The following CCT5 variants were observed in gnomAD, a reference collection of about 807,000 sequenced individuals.
The protein encoded by CCT5 is T-complex protein 1 subunit epsilon.
CCT5 carries 6 observed loss-of-function variants against 55.0 expected under a neutral mutation model. That is an observed-to-expected ratio of 0.11 (90% CI 0.06 to 0.22). The LOEUF (loss-of-function observed/expected upper bound fraction) is 0.22, where lower values mean the gene tolerates loss of function less well. Among genes scored for constraint, CCT5 ranks in the 10% least tolerant of loss-of-function variants. CCT5 has a pLI of 1.00. For synonymous variants in CCT5, 231 were observed against 243.7 expected (o/e 0.95, Z 0.49); for missense variants, 560 against 694.6 (o/e 0.81, Z 2.18).
chr5:10,258,567 A>G, intron 6 of CCT5, 32 bp downstream of exon 6: 5 of 1,585,368 alleles, frequency 3.2e-6, no homozygotes, highest in South Asian at 1.1e-5. Flanking sequence ...AGTGGAATTT[A>G]AACTCCCAAA....
intron 6 of CCT5, among the ~76,000 whole-genome samples, chr5:10,259,743 C>G (rs1163283901): frequency 6.6e-6 from 1 of 152,222 alleles, no homozygotes; most frequent in Non-Finnish European, 1.5e-5. Context: ...AGGCCATCAT[C>G]TGGGCCGGTG....
In CCT5 at chr5:10,264,986, A is replaced by G. The variant is rs557772556; in HGVS notation, c.*203A>G. ...TACCATCTCAACTGCTTTTGTATTC[A>G]TTGTATTAAAAGAATCTGTTTAAAC... On this transcript the variant is annotated 3_prime_UTR_variant, in exon 11 of 11. Transcript: ENST00000280326. 2 of 586,062 alleles carry G rather than the reference A, an allele frequency of 3.4e-6. No individual in the cohort carries two copies. Among genetic ancestry groups the G allele is most frequent in the East Asian group, 3.1e-5 (1 of 32,566 alleles). The allele number at this position is 586,062 out of a possible 1,614,324, so 36.3% of individuals were successfully genotyped here.
Position 10,264,863 on chromosome 5 carries a change from T to G in CCT5, c.*80T>G. On this transcript the variant is annotated 3_prime_UTR_variant, in exon 11 of 11. Transcript: ENST00000280326. ...GTCTCGTGATGCATCTACAGTTATT[T>G]ATTGTTACATCCTTTTCCAGACACT... is the stretch of plus-strand genomic sequence containing the variant. The G allele has an allele frequency of 1.3e-6, 2 of 1,566,834 alleles. No homozygotes were observed. The highest frequency in any genetic ancestry group is 1.8e-6 in the Non-Finnish European group (2 of 1,140,804).
At chr5:10,262,345 G>C in intron 8 of CCT5, 136 bp from the exon 9 acceptor site, 2 of 964,476 alleles carry the variant, frequency 2.1e-6, no homozygotes, top group Non-Finnish European at 3.2e-6. Context: ...AAGCTAGAAA[G>C]ATAAATATTA....
intron 10 of CCT5, 24 bp downstream of exon 10, chr5:10,263,338 G>C (rs1244713634): frequency 7.3e-7 from 1 of 1,375,758 alleles, no homozygotes; most frequent in Admixed American, 2.1e-5. Flanking sequence ...ACGCCTCTGC[G>C]TGGAGGGGGG....
Position 10,262,761 on chromosome 5 carries a change from T to C in CCT5, c.1317+143T>C, listed in dbSNP as rs1389431949. 6.9e-6 allele frequency: 6 copies of C among 872,572 alleles called. No individual in the cohort carries two copies. In the South Asian group the frequency reaches 7.0e-5, roughly 10 times the overall value. 54.1% of individuals were successfully genotyped at this position (872,572 alleles called of 1,614,324 possible). A position where few individuals can be genotyped will look rare whatever the true frequency, so the allele number is the denominator to read the frequency against. On this transcript the variant is annotated intron_variant, in intron 9 of 10. Transcript: ENST00000280326. ...GACAGGTGTTTTAATCTAAGTTAATTCCCACGTTCCTGTATTCAGATTCTG... is the reference window on the plus strand; with the variant it reads ...GACAGGTGTTTTAATCTAAGTTAATCCCCACGTTCCTGTATTCAGATTCTG...
rs768166472 is a variant in CCT5 at position 10,262,462 on chromosome 5, G to A, written c.1180-19G>A. 1 of 1,613,072 alleles carries A rather than the reference G, an allele frequency of 6.2e-7. No individual in the cohort carries two copies. Among genetic ancestry groups the A allele is most frequent in the Non-Finnish European group, 8.5e-7 (1 of 1,179,904 alleles). ...CTAGATCTTGATCACATTAATTCAGGCAAAGCTGTTTTCCTTAGATCATTG... is the reference window on the plus strand; with the variant it reads ...CTAGATCTTGATCACATTAATTCAGACAAAGCTGTTTTCCTTAGATCATTG... On this transcript the variant is annotated intron_variant, in intron 8 of 10. Transcript: ENST00000280326.
chr5:10,257,356 A>G (rs1189319741), intron 4 of CCT5, among the ~76,000 whole-genome samples: 1 of 152,232 alleles, frequency 6.6e-6, no homozygotes, highest in East Asian at 1.9e-4. Context: ...AAAGGAGGAC[A>G]TCATCATTAC....
Position 10,261,657 on chromosome 5 carries a change from T to G in CCT5, c.1091T>G (p.Phe364Cys), listed in dbSNP as rs776587777. 6.2e-7 allele frequency: 1 copy of G among 1,614,126 alleles called. No homozygotes were observed. Among genetic ancestry groups the G allele is most frequent in the East Asian group, 2.2e-5 (1 of 44,882 alleles). ...GFAGLVQEIS[F>C]GTTKDKMLVI... Reference sequence around the variant, plus strand: ...GCTGGTCTTGTACAGGAGATCTCATTTGGGACAACTAAGGATAAAATGCTG... The same window carrying G: ...GCTGGTCTTGTACAGGAGATCTCATGTGGGACAACTAAGGATAAAATGCTG... Residue 364 changes from phenylalanine to cysteine, a missense_variant, in exon 8 of 11, where the codon TTT becomes TGT. This residue lies in a region of CCT5 where 256 missense variants were observed against 372.4 expected (regional missense o/e 0.69). Coordinates refer to ENST00000280326, the MANE Select transcript of CCT5 (RefSeq NM_012073.5).
At position 10,254,145 on chromosome 5, in the gene CCT5, T is replaced by A; in HGVS notation, c.106T>A (p.Ser36Thr). 1.9e-6 allele frequency: 3 copies of A among 1,602,458 alleles called. No individual in the cohort carries two copies. The highest frequency in any genetic ancestry group is 2.6e-6 in the Non-Finnish European group (3 of 1,169,560). ...TTGCTTTTTCTGTTTGTTTCATTAG[T>A]CTCATATAATGGCAGCAAAGGCTGT... ...SRLMGLEALKSHIMAAKAVAN... is the reference protein window; with the variant it reads ...SRLMGLEALKTHIMAAKAVAN... Residue 36 changes from serine to threonine, a missense_variant and splice_region_variant, in exon 2 of 11, where the codon TCT becomes ACT. Coordinates refer to ENST00000280326, the MANE Select transcript of CCT5 (RefSeq NM_012073.5).
At chr5:10,252,066 G>A (rs2607297) in intron 1 of CCT5, among the ~76,000 whole-genome samples, 112,246 of 152,186 alleles carry the variant, frequency 0.74, 43,636 homozygotes, top group East Asian at 0.87. Flanking sequence ...AAAGCCAGTG[G>A]TCTAGAGCAG....
chr5:10,254,856 A>G lies in CCT5; in HGVS notation c.331+18A>G, dbSNP rs1395743837. On this transcript the variant is annotated intron_variant, in intron 3 of 10. Coordinates refer to ENST00000280326, the MANE Select transcript of CCT5 (RefSeq NM_012073.5). ...AGTGGTTGGTAAGAAAAGACAAAAC[A>G]TCCTTTCTCATTTAAGAGACGTCAT... 1.2e-6 allele frequency: 2 copies of G among 1,606,140 alleles called. No individual in the cohort carries two copies. The highest frequency in any genetic ancestry group is 1.7e-6 in the Non-Finnish European group (2 of 1,172,904).
chr5:10,257,362 A>T (rs982911934), intron 4 of CCT5, among the ~76,000 whole-genome samples: 2 of 152,234 alleles, frequency 1.3e-5, no homozygotes, highest in Non-Finnish European at 2.9e-5. Context: ...GGACATCATC[A>T]TTACTTGAAG....
chr5:10,254,984 C>CCT lies in CCT5; in HGVS notation c.331+146_331+147insCT, dbSNP rs3070506. On this transcript the variant is annotated intron_variant, in intron 3 of 10. Transcript: ENST00000280326. ...TGAAAACATGCTACAAAACAAATGT[C>CCT]GGACTTTCAAAACTGACAGTGTTAC... 0.8 allele frequency: 575,210 copies of CCT among 715,352 alleles called. 236,262 individuals carry two copies. The highest frequency in any genetic ancestry group is 0.89 in the East Asian group (33,063 of 37,138). 44.3% of individuals were successfully genotyped at this position (715,352 alleles called of 1,614,324 possible).
chr5:10,259,889 T>A (rs63574860), intron 6 of CCT5, among the ~76,000 whole-genome samples: 8 of 14,770 alleles, frequency 5.4e-4, no homozygotes, highest in Non-Finnish European at 5.0e-3. Flanking sequence ...TGGGGCTAGA[T>A]AGTAAAATGT....
rs1176789317 is a variant in CCT5 at position 10,253,611 on chromosome 5, T to G, written c.106-534T>G. On this transcript the variant is annotated intron_variant, in intron 1 of 10. Coordinates refer to ENST00000280326, the MANE Select transcript of CCT5 (RefSeq NM_012073.5). ...ACAGTAAGGTGTTGTATGTTTACAG[T>G]TGGACTGTTTCTCATGAGTACAGGC... Among the ~76,000 whole-genome samples, 13 of 152,198 alleles carry G rather than the reference T, an allele frequency of 8.5e-5. 1 individual carries two copies. The highest frequency in any genetic ancestry group is 3.3e-4 in the Admixed American group (5 of 15,282).
Position 10,264,671 on chromosome 5 carries a change from A to G in CCT5, c.1514A>G (p.His505Arg), listed in dbSNP as rs765194207. 9.3e-6 allele frequency: 15 copies of G among 1,611,766 alleles called. No individual in the cohort carries two copies. The highest frequency in any genetic ancestry group is 1.3e-5 in the Non-Finnish European group (15 of 1,177,974). The stretch of plus-strand genomic sequence containing the variant: ...TATTTTTCAGATATGAAGCAACAGC[A>G]TGTCATAGAAACCTTGATTGGCAAA... ...HKGTNDMKQQ[H>R]VIETLIGKKQ... The change falls in exon 11 of 11, where the codon CAT (histidine) becomes CGT (arginine). Residue 505 changes from histidine (H) to arginine (R), a missense_variant. This residue lies in a region of CCT5 where 115 missense variants were observed against 105.0 expected (regional missense o/e 1.10). Coordinates refer to ENST00000280326, the MANE Select transcript of CCT5 (RefSeq NM_012073.5).
intron 6 of CCT5, among the ~76,000 whole-genome samples, chr5:10,259,737 C>T (rs1013568442): frequency 6.6e-6 from 1 of 152,196 alleles, no homozygotes. Context: ...AATAAAAGGC[C>T]ATCATCTGGG....
Position 10,263,349 on chromosome 5 carries a change from GGGA to G in CCT5, c.1498+36_1498+38del, listed in dbSNP as rs370306096. 0.83 allele frequency: 1,312,486 copies of G among 1,583,600 alleles called. 551,201 individuals are homozygous for G. Among genetic ancestry groups the G allele is most frequent in the East Asian group, 0.89 (39,660 of 44,630 alleles). On this transcript the variant is annotated intron_variant, in intron 10 of 10. Transcript: ENST00000280326. The stretch of plus-strand genomic sequence containing the variant: ...TGTCACGCCTCTGCGTGGAGGGGGG[GGGA>G]TGTCTGATTTAAACTGAATAATCAT...
Sources: allele counts gnomAD v4.1 joint callset (sites outside exome capture counted in the v4.1 genomes callset), GRCh38; gene constraint gnomAD v4.1.1; regional missense constraint gnomAD v4.1.1; transcripts MANE v1.5; gene names NCBI Gene and HGNC (gene_info 2026-07-23, HGNC 2026-07-21).